CNTNAP2: variants seen among roughly 807,000 people sequenced by gnomAD.
CNTNAP2 encodes the protein contactin associated protein 2, also known as contactin-associated protein-like 2.
In CNTNAP2, 98 loss-of-function variants were observed where a neutral mutation model predicts 155.2. The observed-to-expected ratio is 0.63, with a 90% confidence interval of 0.54 to 0.75. The LOEUF (loss-of-function observed/expected upper bound fraction) is 0.75, where lower values mean the gene tolerates loss of function less well. Ranked by LOEUF, CNTNAP2 falls within the 30% of genes least tolerant of loss-of-function variation. The probability of loss-of-function intolerance (pLI) is 0.00; values close to 1 mark genes in which losing one functional copy is unlikely to be tolerated. For missense variants in CNTNAP2, 1,727 were observed against 1,688.1 expected, an observed-to-expected ratio of 1.02 and a Z score of -0.40; for synonymous variants, 651 against 631.2, an observed-to-expected ratio of 1.03 and a Z score of -0.47.
chr7:146,232,443 G>A (rs879716703), intron 1 of CNTNAP2, among the ~76,000 whole-genome samples: 4 of 152,060 alleles, frequency 2.6e-5, no homozygotes, highest in Non-Finnish European at 5.9e-5. Context: ...AGAAATGTGT[G>A]TAGTTCAAAT....
At chr7:147,481,804 G>C (rs1330328377) in intron 10 of CNTNAP2, among the ~76,000 whole-genome samples, 1 of 152,130 alleles carries the variant, frequency 6.6e-6, no homozygotes, top group African/African-American at 2.4e-5. Flanking sequence ...TTCTCAAGTA[G>C]AAGCAGTCGA....
intron 9 of CNTNAP2, among the ~76,000 whole-genome samples, chr7:147,321,491 A>C (rs1563159837): frequency 6.6e-6 from 1 of 152,028 alleles, no homozygotes; most frequent in Non-Finnish European, 1.5e-5. Flanking sequence ...ATTTTCCATC[A>C]TTTTAGACTG....
At chr7:146,788,098 C>A (rs1802607595) in intron 2 of CNTNAP2, among the ~76,000 whole-genome samples, 2 of 152,206 alleles carry the variant, frequency 1.3e-5, no homozygotes, top group Admixed American at 1.3e-4. Flanking sequence ...CTTTGTGGCA[C>A]CTAGCCCAGG....
intron 2 of CNTNAP2, among the ~76,000 whole-genome samples, chr7:146,829,455 C>G (rs973368056): frequency 2.0e-5 from 3 of 151,974 alleles, no homozygotes; most frequent in African/African-American, 7.2e-5. Flanking sequence ...TTAAAATCAG[C>G]TCAATATTCA....
intron 12 of CNTNAP2, among the ~76,000 whole-genome samples, chr7:147,619,182 A>G (rs1048711499): frequency 3.3e-5 from 5 of 152,268 alleles, no homozygotes; most frequent in African/African-American, 1.2e-4. Flanking sequence ...ACAGTATTTA[A>G]AAAGCATTAG....
At chr7:148,301,306 A>AAAATATATATATATATATATATATAT in intron 21 of CNTNAP2, among the ~76,000 whole-genome samples, 5 of 103,866 alleles carry the variant, frequency 4.8e-5, no homozygotes, top group Non-Finnish European at 7.7e-5. Context: ...AAAAAAAAAA[A>AAAATATATATATATATATATATATAT]ATATATATAT....
intron 4 of CNTNAP2, among the ~76,000 whole-genome samples, chr7:147,100,502 A>G (rs1800631322): frequency 6.6e-6 from 1 of 152,226 alleles, no homozygotes; most frequent in South Asian, 2.1e-4. Context: ...CATTTAATTC[A>G]AAGGAAATTA....
chr7:148,031,890 T>C (rs4726916), intron 15 of CNTNAP2, among the ~76,000 whole-genome samples: 51,113 of 152,000 alleles, frequency 0.34, 10,187 homozygotes, highest in East Asian at 0.77. Flanking sequence ...TCACAATAAA[T>C]TCTCATTCCC....
chr7:146,227,431 A>G (rs1584812773), intron 1 of CNTNAP2, among the ~76,000 whole-genome samples: 1 of 149,950 alleles, frequency 6.7e-6, no homozygotes, highest in African/African-American at 2.4e-5. Flanking sequence ...TCTCAAACAA[A>G]AAAAAAAAAA....
At chr7:146,163,926 C>T (rs562380709) in intron 1 of CNTNAP2, among the ~76,000 whole-genome samples, 4 of 152,016 alleles carry the variant, frequency 2.6e-5, no homozygotes, top group Non-Finnish European at 4.4e-5. Flanking sequence ...ACTGATGGTT[C>T]GGAATCCATC....
At chr7:148,275,074 G>A (rs1375902289) in intron 21 of CNTNAP2, among the ~76,000 whole-genome samples, 1 of 152,146 alleles carries the variant, frequency 6.6e-6, no homozygotes. Context: ...AACATCATTA[G>A]GGTCCAAGAC....
chr7:147,599,085 C>T (rs1298808633), intron 12 of CNTNAP2, among the ~76,000 whole-genome samples: 1 of 152,064 alleles, frequency 6.6e-6, no homozygotes, highest in Non-Finnish European at 1.5e-5. Flanking sequence ...TATATAAGGA[C>T]CACGTTGTAA....
chr7:147,347,915 G>A (rs531786782), intron 9 of CNTNAP2, among the ~76,000 whole-genome samples: 40 of 152,058 alleles, frequency 2.6e-4, no homozygotes, highest in Admixed American at 1.0e-3. Context: ...CAAACATGCC[G>A]AGAACACTCA....
chr7:147,519,543 A>G (rs1378527770), intron 11 of CNTNAP2, among the ~76,000 whole-genome samples: 1 of 152,174 alleles, frequency 6.6e-6, no homozygotes, highest in Non-Finnish European at 1.5e-5. Context: ...TCAAACCTCA[A>G]ATTGTATTCT....
chr7:147,186,478 A>G (rs1802569476), intron 8 of CNTNAP2, among the ~76,000 whole-genome samples: 1 of 152,164 alleles, frequency 6.6e-6, no homozygotes, highest in Non-Finnish European at 1.5e-5. Flanking sequence ...AGTTCTTGAG[A>G]GACATAGCTA....
At chr7:147,788,019 A>G (rs938301200) in intron 13 of CNTNAP2, among the ~76,000 whole-genome samples, 6 of 152,324 alleles carry the variant, frequency 3.9e-5, no homozygotes, top group South Asian at 4.1e-4. Context: ...CTGAGTTTAT[A>G]AGGTGGACTG....
At chr7:146,726,617 T>C (rs550808199) in intron 1 of CNTNAP2, among the ~76,000 whole-genome samples, 1 of 152,292 alleles carries the variant, frequency 6.6e-6, no homozygotes, top group African/African-American at 2.4e-5. Flanking sequence ...TCCAGAGAAA[T>C]GTTAATAAAT....
intron 13 of CNTNAP2, among the ~76,000 whole-genome samples, chr7:147,832,525 C>CAA (rs1428077974): frequency 7.1e-6 from 1 of 141,400 alleles, no homozygotes; most frequent in African/African-American, 2.5e-5. Flanking sequence ...AATTATATTT[C>CAA]AATATATTTT....
chr7:146,658,878 G>A (rs1348314003), intron 1 of CNTNAP2, among the ~76,000 whole-genome samples: 1 of 152,154 alleles, frequency 6.6e-6, no homozygotes, highest in Non-Finnish European at 1.5e-5. Context: ...CTAGGGAAAA[G>A]GGGAAAGGTG....
Sources: allele counts gnomAD v4.1 joint callset (sites outside exome capture counted in the v4.1 genomes callset), GRCh38; gene constraint gnomAD v4.1.1; transcripts MANE v1.5; gene names NCBI Gene and HGNC (gene_info 2026-07-23, HGNC 2026-07-21).